ZCCHC17: variants seen among roughly 807,000 people sequenced by gnomAD.
ZCCHC17 encodes zinc finger CCHC domain-containing protein 17.
Under a neutral mutation model 30.6 loss-of-function variants are expected in ZCCHC17, and 18 were observed. The ratio of observed to expected loss-of-function variants is 0.59; its 90% CI spans 0.41 to 0.87. The LOEUF (loss-of-function observed/expected upper bound fraction) is 0.87. Ranked by LOEUF, ZCCHC17 falls within the 40% of genes least tolerant of loss-of-function variation. The probability of loss-of-function intolerance (pLI) is 0.00; values close to 1 mark genes in which losing one functional copy is unlikely to be tolerated. For synonymous variants in ZCCHC17, 88 were observed against 92.4 expected (o/e 0.95, Z 0.27); for missense variants, 263 against 284.2 (o/e 0.93, Z 0.54).
intron 1 of ZCCHC17, among the ~76,000 whole-genome samples, chr1:31,297,608 G>C (rs769686946): frequency 6.6e-6 from 1 of 152,140 alleles, no homozygotes; most frequent in Non-Finnish European, 1.5e-5. Flanking sequence ...TTGTGAACCG[G>C]GCACGGTCCC....
chr1:31,362,845 A>G (rs947218959), intron 7 of ZCCHC17, among the ~76,000 whole-genome samples: 1 of 152,184 alleles, frequency 6.6e-6, no homozygotes, highest in Non-Finnish European at 1.5e-5. Flanking sequence ...AAGTAATAAG[A>G]TACTTGTTTA....
intron 5 of ZCCHC17, among the ~76,000 whole-genome samples, chr1:31,345,762 GAGAA>G (rs1452532649): frequency 2.0e-5 from 3 of 150,902 alleles, no homozygotes; most frequent in Non-Finnish European, 4.4e-5. Context: ...GGCGGCAGGA[GAGAA>G]AGAGAGAGAG....
chr1:31,339,816 C>G (rs1226068441), intron 5 of ZCCHC17, among the ~76,000 whole-genome samples: 1 of 152,152 alleles, frequency 6.6e-6, no homozygotes, highest in Non-Finnish European at 1.5e-5. Context: ...ACTCCCACAT[C>G]TTGGGATACA....
intron 7 of ZCCHC17, among the ~76,000 whole-genome samples, chr1:31,356,389 A>G (rs1331113723): frequency 6.6e-6 from 1 of 152,226 alleles, no homozygotes; most frequent in Non-Finnish European, 1.5e-5. Context: ...TTTATAGTCT[A>G]GTGGAAGACA....
At chr1:31,360,777 G>A (rs1639855614) in intron 7 of ZCCHC17, among the ~76,000 whole-genome samples, 1 of 152,188 alleles carries the variant, frequency 6.6e-6, no homozygotes, top group African/African-American at 2.4e-5. Flanking sequence ...TAGTGGTTTT[G>A]CCGCTTTAGC....
intron 6 of ZCCHC17, 29 bp from the exon 7 acceptor site, chr1:31,348,800 T>G: frequency 1.9e-6 from 3 of 1,612,028 alleles, no homozygotes; most frequent in Non-Finnish European, 2.5e-6. Flanking sequence ...ACTTCCTTTT[T>G]CTATACCTTT....
intron 1 of ZCCHC17, among the ~76,000 whole-genome samples, chr1:31,303,249 T>C (rs1646363601): frequency 6.6e-6 from 1 of 152,126 alleles, no homozygotes; most frequent in Non-Finnish European, 1.5e-5. Context: ...ACCATTGCAC[T>C]CCGGCCTGGA....
chr1:31,304,634 C>T (rs1329905565), intron 1 of ZCCHC17, among the ~76,000 whole-genome samples: 9 of 149,652 alleles, frequency 6.0e-5, no homozygotes, highest in East Asian at 5.9e-4. Flanking sequence ...CTCGCTCTGT[C>T]GCCCAGGCTG....
Position 31,364,705 on chromosome 1 carries a change from A to G in ZCCHC17, c.*512A>G, listed in dbSNP as rs1414307381. On this transcript the variant is annotated 3_prime_UTR_variant, in exon 8 of 8. Coordinates refer to ENST00000344147, the MANE Select transcript of ZCCHC17 (RefSeq NM_016505.4). ...GTGAGAAGTGGTGCTCACTTTTCCCATTCCTCCTAACATAGTTCTACTATG... is the reference window on the plus strand; with the variant it reads ...GTGAGAAGTGGTGCTCACTTTTCCCGTTCCTCCTAACATAGTTCTACTATG... 1 of 154,994 alleles carries G rather than the reference A, an allele frequency of 6.5e-6. No homozygotes were observed. Among genetic ancestry groups the G allele is most frequent in the African/African-American group, 2.4e-5 (1 of 41,472 alleles). The allele number at this position is 154,994 out of a possible 1,614,324, so 9.6% of individuals were successfully genotyped here. A position where few individuals can be genotyped will look rare whatever the true frequency, so the allele number is the denominator to read the frequency against.
chr1:31,322,721 ATTTC>A (rs934523707), intron 3 of ZCCHC17, among the ~76,000 whole-genome samples: 1 of 64,690 alleles, frequency 1.5e-5, no homozygotes, highest in Non-Finnish European at 2.8e-5. Flanking sequence ...TAGGGCTGAA[ATTTC>A]TTTTTTTTTT....
chr1:31,364,294 C>A lies in ZCCHC17; in HGVS notation c.*101C>A. ...AATAGTGAGAATATAGCCTCCCACCCCATTAACTTCGCTCCCATGGGAGAT... is the reference window on the plus strand; with the variant it reads ...AATAGTGAGAATATAGCCTCCCACCACATTAACTTCGCTCCCATGGGAGAT... On this transcript the variant is annotated 3_prime_UTR_variant, in exon 8 of 8. Coordinates refer to ENST00000344147, the MANE Select transcript of ZCCHC17 (RefSeq NM_016505.4). The A allele has an allele frequency of 6.9e-7, 1 of 1,454,086 alleles. No individual in the cohort carries two copies. Among genetic ancestry groups the A allele is most frequent in the East Asian group, 2.5e-5 (1 of 40,240 alleles). The allele number at this position is 1,454,086 out of a possible 1,614,324, so 90.1% of individuals were successfully genotyped here.
At chr1:31,334,868 A>G (rs1638751058) in intron 3 of ZCCHC17, among the ~76,000 whole-genome samples, 1 of 152,244 alleles carries the variant, frequency 6.6e-6, no homozygotes, top group Non-Finnish European at 1.5e-5. Flanking sequence ...TCTTAAAAAT[A>G]CATTGAATAT....
intron 7 of ZCCHC17, among the ~76,000 whole-genome samples, 158 bp from the exon 8 acceptor site, chr1:31,363,874 G>T (rs1640026309): frequency 6.6e-6 from 1 of 152,018 alleles, no homozygotes; most frequent in African/African-American, 2.4e-5. Context: ...TGTTAGCCAG[G>T]TTGATCTTGA....
intron 3 of ZCCHC17, among the ~76,000 whole-genome samples, chr1:31,328,431 C>T (rs759716538): frequency 6.6e-6 from 1 of 151,844 alleles, no homozygotes; most frequent in African/African-American, 2.4e-5. Context: ...TTGTTTGAGC[C>T]TGGGAGGCAG....
chr1:31,346,649 G>GAGGC lies in ZCCHC17; in HGVS notation c.328_331dup (p.Arg111GlnfsTer17). The GAGGC allele has an allele frequency of 6.2e-7, 1 of 1,609,858 alleles. No homozygotes were observed. Among genetic ancestry groups the GAGGC allele is most frequent in the South Asian group, 1.1e-5 (1 of 90,606 alleles). On this transcript the variant is annotated frameshift_variant, in exon 6 of 8. Coordinates refer to ENST00000344147, the MANE Select transcript of ZCCHC17 (RefSeq NM_016505.4). LOFTEE classifies it high-confidence loss of function. ...ATCTTTTTCATTATAGGCAAGAAGAGAGGCGGAGGCGATCCTTCCAGGATT... is the reference window on the plus strand; with the variant it reads ...ATCTTTTTCATTATAGGCAAGAAGAGAGGCAGGCGGAGGCGATCCTTCCAGGATT...
intron 7 of ZCCHC17, among the ~76,000 whole-genome samples, chr1:31,360,878 T>G (rs1639860887): frequency 6.6e-6 from 1 of 152,196 alleles, no homozygotes; most frequent in Non-Finnish European, 1.5e-5. Context: ...TACAGACTAT[T>G]ATTGTAAGAT....
chr1:31,357,134 A>G (rs150427672), intron 7 of ZCCHC17, among the ~76,000 whole-genome samples: 32 of 152,320 alleles, frequency 2.1e-4, no homozygotes, highest in African/African-American at 6.0e-4. Context: ...TGATTTTACC[A>G]TATGATTTTC....
intron 7 of ZCCHC17, among the ~76,000 whole-genome samples, chr1:31,360,409 T>C (rs1057264235): frequency 2.0e-5 from 3 of 152,234 alleles, no homozygotes; most frequent in African/African-American, 7.2e-5. Context: ...CCTCAGGTGA[T>C]CCACCCACCT....
At chr1:31,334,303 A>ATATC (rs1553123224) in intron 3 of ZCCHC17, among the ~76,000 whole-genome samples, 14 of 51,594 alleles carry the variant, frequency 2.7e-4, no homozygotes, top group South Asian at 8.3e-4. Context: ...ATCCATGTGC[A>ATATC]TCTCTCTCTC....
Sources: allele counts gnomAD v4.1 joint callset (sites outside exome capture counted in the v4.1 genomes callset), GRCh38; gene constraint gnomAD v4.1.1; transcripts MANE v1.5; gene names NCBI Gene and HGNC (gene_info 2026-07-23, HGNC 2026-07-21).